Variants in CNTN5 observed in about 807,000 individuals in gnomAD.
CNTN5 encodes contactin-5.
In CNTN5, 77 loss-of-function variants were observed where a neutral mutation model predicts 129.1. That is an observed-to-expected ratio of 0.60 (90% CI 0.50 to 0.72). The LOEUF is 0.72. Ranked by LOEUF, CNTN5 falls within the 30% of genes least tolerant of loss-of-function variation. The pLI is 0.00. For synonymous variants in CNTN5, 509 were observed against 465.6 expected (o/e 1.09, Z -1.20); for missense variants, 1,478 against 1,328.8 (o/e 1.11, Z -1.75).
In CNTN5 at chr11:99,553,981, C is replaced by CACACACACACAT. The variant is rs1218273887; in HGVS notation, c.-70-2153_-70-2152insTACACACACACA. Reference sequence around the variant, plus strand: ...GAAAATGAATACACACACACACACACACACACACACACACATACACACACA... The same window carrying CACACACACACAT: ...GAAAATGAATACACACACACACACACACACACACACATACACACACACACACATACACACACA... On this transcript the variant is annotated intron_variant, in intron 2 of 24. Transcript: ENST00000524871. 2.1e-3 allele frequency among the ~76,000 whole-genome samples: 304 copies of CACACACACACAT among 148,074 alleles called. 3 individuals are homozygous for CACACACACACAT. The East Asian group carries it at 0.023, about 11-fold the overall frequency.
chr11:99,818,637 C>T (rs2135549553), intron 3 of CNTN5, among the ~76,000 whole-genome samples: 1 of 152,216 alleles, frequency 6.6e-6, no homozygotes, highest in Non-Finnish European at 1.5e-5. Context: ...AAAAAATTTC[C>T]AATTCCTTAT....
intron 18 of CNTN5, among the ~76,000 whole-genome samples, chr11:100,285,655 T>C (rs1196225316): frequency 6.6e-6 from 1 of 152,208 alleles, no homozygotes; most frequent in African/African-American, 2.4e-5. Flanking sequence ...TTTCTAGTTA[T>C]TTTTTTCCTA....
chr11:99,400,416 T>C (rs1941743227), intron 2 of CNTN5, among the ~76,000 whole-genome samples: 1 of 152,168 alleles, frequency 6.6e-6, no homozygotes, highest in Non-Finnish European at 1.5e-5. Context: ...TCTTTTTTTA[T>C]GGCCAAATAG....
intron 1 of CNTN5, among the ~76,000 whole-genome samples, chr11:99,245,474 T>A (rs1404647805): frequency 6.6e-6 from 1 of 152,036 alleles, no homozygotes; most frequent in Non-Finnish European, 1.5e-5. Context: ...ACTGCCTCCA[T>A]GCCCGGCTAA....
chr11:99,178,364 AC>A (rs1591317539), intron 1 of CNTN5, among the ~76,000 whole-genome samples: 1 of 138,624 alleles, frequency 7.2e-6, no homozygotes, highest in Non-Finnish European at 1.6e-5. Context: ...ACACACACAC[AC>A]ACAAAATTAG....
chr11:100,324,433 G>A (rs1951751723), intron 21 of CNTN5, among the ~76,000 whole-genome samples: 1 of 152,264 alleles, frequency 6.6e-6, no homozygotes, highest in Middle Eastern at 3.4e-3. Flanking sequence ...CATGGTTGCA[G>A]TCTCATTTTA....
intron 3 of CNTN5, among the ~76,000 whole-genome samples, chr11:99,816,734 A>G (rs1946599926): frequency 6.6e-6 from 1 of 152,166 alleles, no homozygotes; most frequent in Admixed American, 6.5e-5. Context: ...TCAAAGCTGT[A>G]CCAGTTTAAC....
intron 15 of CNTN5, among the ~76,000 whole-genome samples, chr11:100,213,462 A>G (rs575056594): frequency 1.3e-5 from 2 of 152,302 alleles, no homozygotes; most frequent in African/African-American, 4.8e-5. Flanking sequence ...ATTTTTCAGT[A>G]TCAATCTGAC....
At chr11:99,247,858 T>C (rs1188962941) in intron 1 of CNTN5, among the ~76,000 whole-genome samples, 2 of 152,198 alleles carry the variant, frequency 1.3e-5, no homozygotes, top group African/African-American at 2.4e-5. Flanking sequence ...ATCCAGTCTA[T>C]CATTGTTGGA....
chr11:99,874,037 A>G (rs1948572131), intron 6 of CNTN5, among the ~76,000 whole-genome samples: 1 of 152,116 alleles, frequency 6.6e-6, no homozygotes, highest in South Asian at 2.1e-4. Flanking sequence ...TGAAGATAGA[A>G]AGAATAGGCT....
chr11:99,997,111 A>C (rs1465726834), intron 8 of CNTN5, among the ~76,000 whole-genome samples: 2 of 152,144 alleles, frequency 1.3e-5, no homozygotes, highest in Non-Finnish European at 2.9e-5. Flanking sequence ...GATTGCGTCT[A>C]TTTGATTCTT....
At chr11:99,881,728 G>A (rs1277088900) in intron 6 of CNTN5, among the ~76,000 whole-genome samples, 1 of 152,220 alleles carries the variant, frequency 6.6e-6, no homozygotes, top group East Asian at 1.9e-4. Context: ...TACTGGTACA[G>A]AAGCTGCTAG....
chr11:100,238,408 C>CAAAA (rs201855934), intron 16 of CNTN5, among the ~76,000 whole-genome samples: 3 of 71,302 alleles, frequency 4.2e-5, no homozygotes, highest in Non-Finnish European at 5.5e-5. Flanking sequence ...CCTCACTTGT[C>CAAAA]AAAAAAAAAA....
At chr11:99,132,367 C>A (rs1858986190) in intron 1 of CNTN5, among the ~76,000 whole-genome samples, 1 of 152,174 alleles carries the variant, frequency 6.6e-6, no homozygotes, top group Non-Finnish European at 1.5e-5. Context: ...CCTCTCTCAC[C>A]ACTGTTATTC....
At position 100,285,797 on chromosome 11, in the gene CNTN5, G is replaced by A. The variant is rs189108799; in HGVS notation, c.2315-11828G>A. ...ACAGCTCCGGTCTACAGCTCCCAGC[G>A]TGAGCGACGCAGAAGACGGGTGATT... On this transcript the variant is annotated intron_variant, in intron 18 of 24. Transcript: ENST00000524871. Among the ~76,000 whole-genome samples, 20 of 152,300 alleles carry A rather than the reference G, an allele frequency of 1.3e-4. No homozygotes were observed. The East Asian group carries it at 2.9e-3, about 22-fold the overall frequency.
At chr11:99,678,857 T>C (rs1019188123) in intron 3 of CNTN5, among the ~76,000 whole-genome samples, 11 of 151,750 alleles carry the variant, frequency 7.2e-5, no homozygotes, top group African/African-American at 2.7e-4. Flanking sequence ...ATTAAAGGCA[T>C]ATAAACAACC....
At chr11:99,563,502 C>T (rs1948907359) in intron 3 of CNTN5, among the ~76,000 whole-genome samples, 1 of 152,176 alleles carries the variant, frequency 6.6e-6, no homozygotes, top group Non-Finnish European at 1.5e-5. Flanking sequence ...ATGAAGAATG[C>T]ATATTGCCTT....
intron 1 of CNTN5, among the ~76,000 whole-genome samples, chr11:99,275,062 A>G (rs1174958456): frequency 6.6e-6 from 1 of 151,292 alleles, no homozygotes; most frequent in Admixed American, 6.6e-5. Context: ...TATATCTATA[A>G]ATGTGTGTAT....
intron 1 of CNTN5, among the ~76,000 whole-genome samples, chr11:99,315,452 A>G (rs1865299683): frequency 6.7e-6 from 1 of 149,528 alleles, no homozygotes; most frequent in Non-Finnish European, 1.5e-5. Context: ...GAGTGAGGAA[A>G]GCACCAGGTT....
Sources: allele counts gnomAD v4.1 joint callset (sites outside exome capture counted in the v4.1 genomes callset), GRCh38; gene constraint gnomAD v4.1.1; transcripts MANE v1.5; gene names NCBI Gene and HGNC (gene_info 2026-07-23, HGNC 2026-07-21).